TOX: variants seen among roughly 807,000 people sequenced by gnomAD.
The protein encoded by TOX is thymocyte selection-associated high mobility group box protein TOX.
In TOX, 11 loss-of-function variants were observed where a neutral mutation model predicts 53.7. That is an observed-to-expected ratio of 0.20 (90% confidence interval 0.13 to 0.34). TOX has a LOEUF of 0.34. TOX is among the 10% of genes least tolerant of loss of function. The pLI is 1.00. For missense variants in TOX, 570 were observed against 664.6 expected (o/e 0.86, Z 1.56); for synonymous variants, 225 against 245.3 (o/e 0.92, Z 0.77).
chr8:59,084,480 C>T (rs1804473461), intron 1 of TOX, among the ~76,000 whole-genome samples: 1 of 152,140 alleles, frequency 6.6e-6, no homozygotes, highest in Non-Finnish European at 1.5e-5. Flanking sequence ...TTATTTTAAA[C>T]TACTAATAAT....
intron 3 of TOX, among the ~76,000 whole-genome samples, chr8:58,937,278 T>C (rs1563394621): frequency 6.6e-6 from 1 of 152,244 alleles, no homozygotes; most frequent in Admixed American, 6.5e-5. Context: ...GTTTCCCCTA[T>C]ACCCTGCAAA....
intron 1 of TOX, among the ~76,000 whole-genome samples, chr8:58,991,477 T>C (rs1360799510): frequency 1.3e-5 from 2 of 152,212 alleles, no homozygotes; most frequent in African/African-American, 2.4e-5. Context: ...AGGAAACTGT[T>C]ACCTAGAACA....
At chr8:58,849,947 C>G (rs1246848307) in intron 4 of TOX, among the ~76,000 whole-genome samples, 1 of 152,090 alleles carries the variant, frequency 6.6e-6, no homozygotes, top group African/African-American at 2.4e-5. Flanking sequence ...ATCTAACAGC[C>G]AATGAGTACC....
chr8:58,908,385 C>T lies in TOX; in HGVS notation c.411+30917G>A, dbSNP rs547610289. The stretch of plus-strand genomic sequence containing the variant: ...CGCCTTTCCTGTCATGCACCTGATG[C>T]CTTCTCACCTCTCATCTCCCAAACC... On this transcript the variant is annotated intron_variant, in intron 3 of 8. Transcript: ENST00000361421. 2.0e-5 allele frequency among the ~76,000 whole-genome samples: 3 copies of T among 152,256 alleles called. No individual in the cohort carries two copies. The East Asian group carries it at 5.8e-4, about 29-fold the overall frequency.
At chr8:58,893,642 T>A (rs1300231304) in intron 3 of TOX, among the ~76,000 whole-genome samples, 1 of 152,222 alleles carries the variant, frequency 6.6e-6, no homozygotes, top group Non-Finnish European at 1.5e-5. Context: ...GCATGTGGAG[T>A]TCCTAATGGC....
intron 7 of TOX, among the ~76,000 whole-genome samples, chr8:58,809,073 T>G (rs1270305341): frequency 6.6e-6 from 1 of 152,236 alleles, no homozygotes; most frequent in Non-Finnish European, 1.5e-5. Context: ...TAGCTATATC[T>G]GGTAAACAAA....
At position 58,911,993 on chromosome 8, in the gene TOX, T is replaced by C. The variant is rs553565322; in HGVS notation, c.411+27309A>G. On this transcript the variant is annotated intron_variant, in intron 3 of 8. Coordinates refer to ENST00000361421, the MANE Select transcript of TOX (RefSeq NM_014729.3). ...CTGGGATTACAGGCGTGAGCCACCGTGCCCGGCCCAAATACTTTTCAATGC... is the reference window on the plus strand; with the variant it reads ...CTGGGATTACAGGCGTGAGCCACCGCGCCCGGCCCAAATACTTTTCAATGC... 6.3e-3 allele frequency among the ~76,000 whole-genome samples: 964 copies of C among 152,320 alleles called. 12 individuals are homozygous for C. The highest frequency in any genetic ancestry group is 0.022 in the African/African-American group (924 of 41,568).
intron 1 of TOX, among the ~76,000 whole-genome samples, chr8:59,114,348 C>T (rs1805066639): frequency 6.6e-6 from 1 of 152,162 alleles, no homozygotes; most frequent in African/African-American, 2.4e-5. Context: ...ACTTTGTTTG[C>T]ATAGACATTT....
chr8:59,019,214 A>C (rs1477507641), intron 1 of TOX, among the ~76,000 whole-genome samples: 1 of 152,210 alleles, frequency 6.6e-6, no homozygotes, highest in Non-Finnish European at 1.5e-5. Context: ...AAATTGAGGG[A>C]TAATTACATA....
chr8:58,837,761 T>C (rs117071773), intron 5 of TOX, among the ~76,000 whole-genome samples: 1 of 152,296 alleles, frequency 6.6e-6, no homozygotes, highest in Non-Finnish European at 1.5e-5. Flanking sequence ...AAAATACTTT[T>C]AGGACTTTTT....
intron 6 of TOX, 65 bp downstream of exon 6, chr8:58,826,757 G>A: frequency 7.2e-7 from 1 of 1,395,842 alleles, no homozygotes; most frequent in Non-Finnish European, 9.7e-7. Flanking sequence ...ATGCCTTTAA[G>A]TGACTATCAA....
intron 3 of TOX, among the ~76,000 whole-genome samples, chr8:58,886,680 A>G (rs1811473718): frequency 6.6e-6 from 1 of 152,076 alleles, no homozygotes; most frequent in Non-Finnish European, 1.5e-5. Flanking sequence ...CTAAGTTTCT[A>G]TTTGAATTAC....
chr8:59,040,549 A>G (rs1286723474), intron 1 of TOX, among the ~76,000 whole-genome samples: 1 of 152,228 alleles, frequency 6.6e-6, no homozygotes, highest in Non-Finnish European at 1.5e-5. Flanking sequence ...CATTAGTTAA[A>G]TAAACAAACC....
intron 3 of TOX, among the ~76,000 whole-genome samples, chr8:58,855,845 C>T (rs971491409): frequency 4.6e-5 from 7 of 152,314 alleles, no homozygotes; most frequent in Middle Eastern, 3.4e-3. Flanking sequence ...CTTAATCATG[C>T]GTCTTTGTTT....
chr8:59,092,278 T>C (rs1804626549), intron 1 of TOX, among the ~76,000 whole-genome samples: 1 of 121,822 alleles, frequency 8.2e-6, no homozygotes, highest in African/African-American at 3.4e-5. Context: ...TATATATATA[T>C]ATATTATATA....
chr8:58,926,679 C>T (rs1418468423), intron 3 of TOX, among the ~76,000 whole-genome samples: 1 of 152,130 alleles, frequency 6.6e-6, no homozygotes, highest in East Asian at 1.9e-4. Context: ...TGTCTTCATA[C>T]ATTTATAAGC....
At chr8:58,827,420 C>G (rs987532627) in intron 5 of TOX, among the ~76,000 whole-genome samples, 5 of 152,062 alleles carry the variant, frequency 3.3e-5, no homozygotes, top group African/African-American at 4.8e-5. Context: ...AGATTTGGAG[C>G]CTTGAAGTTC....
intron 3 of TOX, among the ~76,000 whole-genome samples, chr8:58,853,568 C>T (rs1563370571): frequency 6.6e-6 from 1 of 152,104 alleles, no homozygotes; most frequent in Non-Finnish European, 1.5e-5. Context: ...AAAGATAAAA[C>T]CCACCTCTCC....
chr8:58,848,521 A>T (rs1810756733), intron 4 of TOX, among the ~76,000 whole-genome samples: 1 of 152,136 alleles, frequency 6.6e-6, no homozygotes, highest in African/African-American at 2.4e-5. Flanking sequence ...AAGGATAGAA[A>T]AATATATAAT....
Sources: allele counts gnomAD v4.1 joint callset (sites outside exome capture counted in the v4.1 genomes callset), GRCh38; gene constraint gnomAD v4.1.1; transcripts MANE v1.5; gene names NCBI Gene and HGNC (gene_info 2026-07-23, HGNC 2026-07-21).